Variants in ESRRG observed in about 807,000 individuals in gnomAD.
The protein encoded by ESRRG is estrogen-related receptor gamma.
Under a neutral mutation model 44.0 loss-of-function variants are expected in ESRRG, and 13 were observed. The observed-to-expected ratio is 0.30, with a 90% CI of 0.19 to 0.47. ESRRG has a LOEUF of 0.47. Ranked by LOEUF, ESRRG falls within the 20% of genes least tolerant of loss-of-function variation. The probability of loss-of-function intolerance (pLI) is 1.00; values close to 1 mark genes in which losing one functional copy is unlikely to be tolerated. For synonymous variants in ESRRG, 215 were observed against 214.6 expected (o/e 1.00, Z -0.02); for missense variants, 395 against 580.6 (o/e 0.68, Z 3.29).
chr1:216,961,813 C>T (rs560223842), intron 1 of ESRRG, among the ~76,000 whole-genome samples: 45 of 152,128 alleles, frequency 3.0e-4, no homozygotes, highest in South Asian at 1.0e-3. Context: ...TTCAATTGAA[C>T]GAGAAGGTCA....
At chr1:216,657,003 TG>T (rs2070777846) in intron 2 of ESRRG, among the ~76,000 whole-genome samples, 1 of 152,224 alleles carries the variant, frequency 6.6e-6, no homozygotes, top group African/African-American at 2.4e-5. Context: ...GTAGTATTTT[TG>T]TTTTAAAGGC....
chr1:217,110,088 A>G (rs909218126), intron 1 of ESRRG, among the ~76,000 whole-genome samples: 20 of 152,156 alleles, frequency 1.3e-4, no homozygotes, highest in African/African-American at 4.8e-4. Flanking sequence ...TCTGGAACAC[A>G]GTCACCAAAC....
intron 3 of ESRRG, among the ~76,000 whole-genome samples, chr1:216,628,872 C>T (rs1287034296): frequency 1.3e-5 from 2 of 152,240 alleles, no homozygotes; most frequent in Admixed American, 6.5e-5. Context: ...CCTGCTTCTT[C>T]ACATCATCCA....
intron 1 of ESRRG, among the ~76,000 whole-genome samples, chr1:216,964,785 G>A (rs933851540): frequency 6.6e-6 from 1 of 151,914 alleles, no homozygotes; most frequent in African/African-American, 2.4e-5. Flanking sequence ...ATAACAAAAT[G>A]TATGATCCAC....
At chr1:216,683,073 G>T (rs895560315) in intron 1 of ESRRG, among the ~76,000 whole-genome samples, 2 of 152,148 alleles carry the variant, frequency 1.3e-5, no homozygotes, top group African/African-American at 4.8e-5. Context: ...CAGAGACAGG[G>T]TGTCATTATG....
chr1:216,516,904 G>C, intron 6 of ESRRG, among the ~76,000 whole-genome samples: 1 of 152,072 alleles, frequency 6.6e-6, no homozygotes. Context: ...GACTTTCTGA[G>C]TTGTTTACCC....
chr1:216,855,445 C>T (rs1322504459), intron 2 of ESRRG, among the ~76,000 whole-genome samples: 1 of 152,090 alleles, frequency 6.6e-6, no homozygotes, highest in Non-Finnish European at 1.5e-5. Context: ...TATATTATTT[C>T]TCCATTTTAC....
chr1:216,927,857 G>A (rs1239482068), intron 2 of ESRRG, among the ~76,000 whole-genome samples: 1 of 152,212 alleles, frequency 6.6e-6, no homozygotes, highest in African/African-American at 2.4e-5. Context: ...AGAGAACTTA[G>A]AGCAGACAAT....
At chr1:216,943,450 T>C (rs2065575562) in intron 1 of ESRRG, among the ~76,000 whole-genome samples, 1 of 152,170 alleles carries the variant, frequency 6.6e-6, no homozygotes, top group South Asian at 2.1e-4. Flanking sequence ...GTTCTAAGAA[T>C]AGATATTCCA....
chr1:216,839,806 T>C (rs2095623497), intron 2 of ESRRG, among the ~76,000 whole-genome samples: 2 of 152,154 alleles, frequency 1.3e-5, no homozygotes, highest in Admixed American at 6.5e-5. Context: ...TGAGCAGTAA[T>C]GTTTTAAAAT....
intron 2 of ESRRG, among the ~76,000 whole-genome samples, chr1:216,795,493 A>T (rs1359995723): frequency 1.3e-5 from 2 of 151,464 alleles, no homozygotes; most frequent in Non-Finnish European, 2.9e-5. Context: ...GGCATGTGCC[A>T]CTGTGCCTGG....
rs548348388 is a variant in ESRRG, at chr1:216,567,979, T to C, written c.700+9A>G. On this transcript the variant is annotated intron_variant, in intron 4 of 6. Transcript: ENST00000408911. ...GTTCTGGGAAGCCAGACACATCTGC[T>C]GTACTTACATGGCTTTTTGGCTGGC... The C allele has an allele frequency of 7.0e-6, 11 of 1,580,324 alleles. No individual in the cohort carries two copies. Among genetic ancestry groups the C allele is most frequent in the Middle Eastern group, 1.7e-4 (1 of 6,028 alleles).
intron 2 of ESRRG, among the ~76,000 whole-genome samples, chr1:216,806,533 G>C (rs1290078498): frequency 6.6e-6 from 1 of 152,112 alleles, no homozygotes; most frequent in Non-Finnish European, 1.5e-5. Flanking sequence ...ATCAACGTGA[G>C]GCATGACGAT....
At chr1:217,093,563 G>A (rs1255910774), upstream of ESRRG, among the ~76,000 whole-genome samples, 1 of 151,940 alleles carries the variant, frequency 6.6e-6, no homozygotes, top group Non-Finnish European at 1.5e-5. Context: ...CGGGAGGATC[G>A]CTTCAACCCA....
chr1:217,005,559 G>A (rs2077625771), intron 1 of ESRRG, among the ~76,000 whole-genome samples: 1 of 152,168 alleles, frequency 6.6e-6, no homozygotes, highest in African/African-American at 2.4e-5. Flanking sequence ...GACTTGTTAT[G>A]TAATGTTCTC....
At chr1:216,704,951 C>T (rs139439428) in intron 1 of ESRRG, among the ~76,000 whole-genome samples, 29 of 152,238 alleles carry the variant, frequency 1.9e-4, no homozygotes, top group East Asian at 1.7e-3. Context: ...TTAGCTCTTC[C>T]TAGTCCACAA....
intron 2 of ESRRG, among the ~76,000 whole-genome samples, chr1:216,662,904 T>G (rs2072897241): frequency 6.6e-6 from 1 of 152,168 alleles, no homozygotes. Flanking sequence ...CAAAATGGAT[T>G]TGGCCCGCAG....
At chr1:216,704,570 A>G (rs2082088065) in intron 1 of ESRRG, among the ~76,000 whole-genome samples, 1 of 152,202 alleles carries the variant, frequency 6.6e-6, no homozygotes, top group East Asian at 1.9e-4. Context: ...TAAATTCTAA[A>G]GTGTAAAACA....
intron 1 of ESRRG, among the ~76,000 whole-genome samples, chr1:217,067,254 T>C (rs1315252919): frequency 6.6e-6 from 1 of 152,222 alleles, no homozygotes; most frequent in Non-Finnish European, 1.5e-5. Context: ...AATATTTTCT[T>C]CTAATTTCTA....
Sources: gnomAD v4.1 joint callset for allele counts (sites outside exome capture counted in the v4.1 genomes callset) on GRCh38, gnomAD v4.1.1 for gene constraint, MANE v1.5 for transcripts, NCBI Gene and HGNC (gene_info 2026-07-23, HGNC 2026-07-21) for gene names.